Variants in ZNF274 observed in about 807,000 individuals in gnomAD.
ZNF274 encodes neurotrophin receptor-interacting factor homolog.
A neutral mutation model predicts 42.5 loss-of-function variants in ZNF274; 23 were observed. That is an observed-to-expected ratio of 0.54 (90% CI 0.39 to 0.77). The LOEUF (loss-of-function observed/expected upper bound fraction) is 0.77, where lower values mean the gene tolerates loss of function less well. ZNF274 is among the 30% of genes least tolerant of loss of function. The probability of loss-of-function intolerance (pLI) is 0.00; values close to 1 mark genes in which losing one functional copy is unlikely to be tolerated. For synonymous variants in ZNF274, 292 were observed against 305.4 expected (o/e 0.96, Z 0.46); for missense variants, 679 against 806.5 (o/e 0.84, Z 1.91).
chr19:58,210,233 T>G, intron 6 of ZNF274, 160 bp downstream of exon 6: 1 of 557,342 alleles, frequency 1.8e-6, no homozygotes, highest in South Asian at 2.1e-5. Context: ...AATCTGAGTA[T>G]GAAGAGCAGC....
At position 58,211,936 on chromosome 19, in the gene ZNF274, G is replaced by A. The variant is rs1208071230; in HGVS notation, c.980-225G>A. Among the ~76,000 whole-genome samples, 2 of 152,254 alleles carry A rather than the reference G, an allele frequency of 1.3e-5. No individual in the cohort carries two copies. The highest frequency in any genetic ancestry group is 1.9e-4 in the East Asian group (1 of 5,176). ...AGGGAGTATGAGAGAACAGGAACTC[G>A]AAGAGCTCGGAGGACACTCCCTGCC... On this transcript the variant is annotated intron_variant, in intron 7 of 7. Transcript: ENST00000617501. This position sits in a 1 kb window ranked among gnomAD's most constrained non-coding sequence, Gnocchi z 4.8.
At chr19:58,203,089 T>C (rs548980251) in intron 4 of ZNF274, among the ~76,000 whole-genome samples, 1 of 152,294 alleles carries the variant, frequency 6.6e-6, no homozygotes, top group East Asian at 1.9e-4. Context: ...ATTTATGAAG[T>C]AACGTTTAAG....
At position 58,183,697 on chromosome 19, in the gene ZNF274, A is replaced by T. The variant is rs1054887913; in HGVS notation, c.-45-224A>T. The stretch of plus-strand genomic sequence containing the variant: ...GCGTGGGGTCTGGGCCAGGGAGGCG[A>T]TCCCCTCCGATGCGCGGGACAGAGG... On this transcript the variant is annotated intron_variant, in intron 1 of 7. Coordinates refer to ENST00000617501, the MANE Select transcript of ZNF274 (RefSeq NM_133502.3). 15 of 423,608 alleles carry T rather than the reference A, an allele frequency of 3.5e-5. No individual in the cohort carries two copies. The East Asian group carries it at 6.3e-4, about 18-fold the overall frequency. 26.2% of individuals were successfully genotyped at this position (423,608 alleles called of 1,614,324 possible). A position where few individuals can be genotyped will look rare whatever the true frequency, so the allele number is the denominator to read the frequency against.
At chr19:58,190,783 G>C (rs2075770714) in intron 4 of ZNF274, among the ~76,000 whole-genome samples, 1 of 152,108 alleles carries the variant, frequency 6.6e-6, no homozygotes, top group Non-Finnish European at 1.5e-5. Context: ...CCTTCTCTTT[G>C]TTTTCTGTGC....
intron 4 of ZNF274, among the ~76,000 whole-genome samples, chr19:58,191,076 T>A (rs2075773448): frequency 6.6e-6 from 1 of 152,252 alleles, no homozygotes; most frequent in Admixed American, 6.5e-5. Context: ...AAGAGGTCAC[T>A]AAACTATTTC....
At chr19:58,190,152 T>TC (rs1491463385) in intron 4 of ZNF274, among the ~76,000 whole-genome samples, 3 of 85,320 alleles carry the variant, frequency 3.5e-5, no homozygotes, top group African/African-American at 6.9e-5. Context: ...TATCTCTCTC[T>TC]TTTTTTTTTT....
At chr19:58,205,856 A>G (rs1336968431) in intron 4 of ZNF274, among the ~76,000 whole-genome samples, 3 of 152,224 alleles carry the variant, frequency 2.0e-5, no homozygotes, top group Non-Finnish European at 4.4e-5. Flanking sequence ...GTGACCATGC[A>G]TACATGTACA....
chr19:58,184,061 G>C (rs1007786858), intron 2 of ZNF274, 63 bp downstream of exon 2: 1 of 1,538,226 alleles, frequency 6.5e-7, no homozygotes, highest in Non-Finnish European at 8.8e-7. Context: ...GCGGATGGTG[G>C]TGAGATACCA....
At chr19:58,194,664 A>C (rs1172434421) in intron 4 of ZNF274, among the ~76,000 whole-genome samples, 1 of 151,612 alleles carries the variant, frequency 6.6e-6, no homozygotes, top group Non-Finnish European at 1.5e-5. Flanking sequence ...TACAGGTGTG[A>C]GCCACCACAC....
At position 58,213,210 on chromosome 19, in the gene ZNF274, G is replaced by A; in HGVS notation, c.*67G>A. On this transcript the variant is annotated 3_prime_UTR_variant, in exon 8 of 8. Coordinates refer to ENST00000617501, the MANE Select transcript of ZNF274 (RefSeq NM_133502.3). Reference sequence around the variant, plus strand: ...CCTGCAATATAACATGCACAGGCCTGCTTGTGAATCAGGACTGAATGTGAA... The same window carrying A: ...CCTGCAATATAACATGCACAGGCCTACTTGTGAATCAGGACTGAATGTGAA... 1 of 1,524,990 alleles carries A rather than the reference G, an allele frequency of 6.6e-7. No homozygotes were observed. The highest frequency in any genetic ancestry group is 8.8e-7 in the Non-Finnish European group (1 of 1,139,914). 94.5% of individuals were successfully genotyped at this position (1,524,990 alleles called of 1,614,324 possible).
chr19:58,202,458 C>T (rs896821463), intron 4 of ZNF274: 1 of 152,198 alleles, frequency 6.6e-6, no homozygotes. Flanking sequence ...TTGATTAAAC[C>T]CCTTGCTTTG....
In ZNF274 at chr19:58,190,139, A is replaced by T. The variant is rs963993712; in HGVS notation, c.256+3097A>T. Among the ~76,000 whole-genome samples the T allele has an allele frequency of 6.8e-4, 101 of 149,074 alleles. 1 individual carries two copies. Among genetic ancestry groups the T allele is most frequent in the African/African-American group, 2.3e-3 (93 of 40,406 alleles). ...CTCTATCTCAAAAAAAAAAAAAAAA[A>T]TTTATCTCTCTCTTTTTTTTTTTTT... On this transcript the variant is annotated intron_variant, in intron 4 of 7. Transcript: ENST00000617501.
Position 58,207,217 on chromosome 19 carries a change from G to T in ZNF274, c.739+15G>T. 6.2e-7 allele frequency: 1 copy of T among 1,600,830 alleles called. No homozygotes were observed. The highest frequency in any genetic ancestry group is 8.5e-7 in the Non-Finnish European group (1 of 1,172,818). On this transcript the variant is annotated intron_variant, in intron 5 of 7. Transcript: ENST00000617501. This position sits in a 1 kb window ranked among gnomAD's most constrained non-coding sequence, Gnocchi z 5.6. ...TGAGGAGGAAGGTAAGTAGAAGGGT[G>T]GGTAGAGGGACAGCTTAATGAGGGT...
At chr19:58,202,966 A>G (rs1202312023) in intron 4 of ZNF274, among the ~76,000 whole-genome samples, 1 of 152,220 alleles carries the variant, frequency 6.6e-6, no homozygotes, top group Non-Finnish European at 1.5e-5. Context: ...TTAAAGCAGA[A>G]GTAAGTACAT....
chr19:58,196,936 A>C (rs534903290), intron 4 of ZNF274, among the ~76,000 whole-genome samples: 1 of 152,338 alleles, frequency 6.6e-6, no homozygotes, highest in East Asian at 1.9e-4. Context: ...ACAGGGAAGA[A>C]ACCTCAGAAA....
intron 4 of ZNF274, among the ~76,000 whole-genome samples, chr19:58,204,766 C>T (rs1007010497): frequency 6.6e-6 from 1 of 152,088 alleles, no homozygotes; most frequent in African/African-American, 2.4e-5. Context: ...GTCCTAACAC[C>T]GCGCGGGGCA....
At chr19:58,201,882 C>G (rs920072665) in intron 4 of ZNF274, among the ~76,000 whole-genome samples, 1 of 152,158 alleles carries the variant, frequency 6.6e-6, no homozygotes. Context: ...AATGATGGTA[C>G]TGTCATTGAT....
chr19:58,206,410 T>C (rs2075978942), intron 4 of ZNF274, among the ~76,000 whole-genome samples: 1 of 152,200 alleles, frequency 6.6e-6, no homozygotes, highest in Non-Finnish European at 1.5e-5. Flanking sequence ...GACATATGCT[T>C]TCAATTTTCT....
At chr19:58,188,615 AAAAAAAT>A (rs1325061640) in intron 4 of ZNF274, among the ~76,000 whole-genome samples, 6 of 58,866 alleles carry the variant, frequency 1.0e-4, no homozygotes, top group East Asian at 2.9e-4. Flanking sequence ...CAAAAAAAAA[AAAAAAAT>A]ATATATATAT....
Sources: gnomAD v4.1 joint callset for allele counts (sites outside exome capture counted in the v4.1 genomes callset) on GRCh38, gnomAD v4.1.1 for gene constraint, Gnocchi (gnomAD v3.1) non-coding constraint, MANE v1.5 for transcripts, NCBI Gene and HGNC (gene_info 2026-07-23, HGNC 2026-07-21) for gene names.